The following ADTRP variants were observed in gnomAD, a reference collection of about 807,000 sequenced individuals.
The protein encoded by ADTRP is androgen dependent TFPI regulating protein.
In ADTRP, 20 loss-of-function variants were observed where a neutral mutation model predicts 27.0. The ratio of observed to expected loss-of-function variants is 0.74; its 90% CI spans 0.52 to 1.08. ADTRP has a LOEUF of 1.08. Among genes scored for constraint, ADTRP ranks in the 50% least tolerant of loss-of-function variants. ADTRP has a pLI of 0.00. For synonymous variants in ADTRP, 101 were observed against 105.2 expected (o/e 0.96, Z 0.25); for missense variants, 251 against 275.0 (o/e 0.91, Z 0.62).
intron 4 of ADTRP, among the ~76,000 whole-genome samples, chr6:11,734,100 T>G (rs1171616781): frequency 6.6e-6 from 1 of 152,194 alleles, no homozygotes; most frequent in Non-Finnish European, 1.5e-5. Context: ...CAAATTCATG[T>G]GTATAATCAG....
intron 4 of ADTRP, among the ~76,000 whole-genome samples, chr6:11,730,582 T>C (rs764619654): frequency 5.5e-4 from 84 of 152,228 alleles, no homozygotes; most frequent in Non-Finnish European, 1.1e-3. Context: ...CAGGGTAAGA[T>C]GTGTACATGT....
At position 11,768,303 on chromosome 6, in the gene ADTRP, G is replaced by T; in HGVS notation, c.234C>A (p.Phe78Leu). 1 of 1,614,204 alleles carries T rather than the reference G, an allele frequency of 6.2e-7. No homozygotes were observed. Among genetic ancestry groups the T allele is most frequent in the East Asian group, 2.2e-5 (1 of 44,890 alleles). ...KRTKGGKDIK[F>L]LTAFRDLLFT... ...AAAGCAGGTCTCTGAAGGCAGTTAG[G>T]AACTTAATGTCTTTTCCCCCTTTGG... The change falls in exon 2 of 6, where the codon TTC becomes TTA. Residue 78 changes from phenylalanine to leucine, a missense_variant. Phe to Leu is a conservative substitution (Grantham distance 22). Transcript: ENST00000414691.
At chr6:11,725,224 T>C (rs1291950860) in intron 4 of ADTRP, among the ~76,000 whole-genome samples, 1 of 152,126 alleles carries the variant, frequency 6.6e-6, no homozygotes, top group Non-Finnish European at 1.5e-5. Flanking sequence ...CAATAAACAG[T>C]GTGAAAAGGC....
intron 3 of ADTRP, among the ~76,000 whole-genome samples, chr6:11,759,947 G>A (rs1378979417): frequency 6.6e-6 from 1 of 152,106 alleles, no homozygotes; most frequent in Non-Finnish European, 1.5e-5. Flanking sequence ...AGCCAAGGAA[G>A]GTAAGTGGTC....
chr6:11,717,374 A>G (rs1761866741), intron 5 of ADTRP: 1 of 1,304,316 alleles, frequency 7.7e-7, no homozygotes, highest in Non-Finnish European at 1.0e-6. Flanking sequence ...AGCAGATTCC[A>G]ACAGATTCTA....
intron 5 of ADTRP, among the ~76,000 whole-genome samples, chr6:11,715,695 G>A (rs75421936): frequency 0.014 from 2,043 of 144,894 alleles, 45 homozygotes; most frequent in African/African-American, 0.051. Context: ...GCCCAGGCTG[G>A]AATACGGTGG....
chr6:11,761,467 T>G (rs969909949), intron 3 of ADTRP, among the ~76,000 whole-genome samples: 1 of 152,220 alleles, frequency 6.6e-6, no homozygotes, highest in Non-Finnish European at 1.5e-5. Flanking sequence ...AAATCAAATG[T>G]CTTGCTTATT....
intron 3 of ADTRP, among the ~76,000 whole-genome samples, chr6:11,751,028 T>G (rs932175466): frequency 6.6e-6 from 1 of 152,176 alleles, no homozygotes; most frequent in Admixed American, 6.5e-5. Context: ...ATTTTTGTAT[T>G]TTTTGTAGAG....
intron 5 of ADTRP, among the ~76,000 whole-genome samples, chr6:11,721,785 A>T (rs1762031110): frequency 6.6e-6 from 1 of 152,220 alleles, no homozygotes; most frequent in Non-Finnish European, 1.5e-5. Flanking sequence ...TGCAGTACTT[A>T]AACAATGAGG....
chr6:11,751,047 C>T (rs912146033), intron 3 of ADTRP, among the ~76,000 whole-genome samples: 11 of 152,274 alleles, frequency 7.2e-5, no homozygotes, highest in Admixed American at 2.6e-4. Context: ...AGATGGGCTT[C>T]GCCATGTTGC....
intron 1 of ADTRP, among the ~76,000 whole-genome samples, chr6:11,768,945 G>A (rs1332527885): frequency 6.6e-6 from 1 of 151,842 alleles, no homozygotes; most frequent in Non-Finnish European, 1.5e-5. Flanking sequence ...CTTAAATAGG[G>A]CACCTGCAGG....
At chr6:11,770,277 G>GA (rs886080282) in intron 1 of ADTRP, among the ~76,000 whole-genome samples, 12 of 152,182 alleles carry the variant, frequency 7.9e-5, no homozygotes, top group African/African-American at 2.9e-4. Flanking sequence ...TAGGGGTTGG[G>GA]ATTTTTAAAA....
chr6:11,726,863 G>A (rs375870295), intron 4 of ADTRP, among the ~76,000 whole-genome samples: 2 of 152,156 alleles, frequency 1.3e-5, no homozygotes, highest in Admixed American at 1.3e-4. Flanking sequence ...CTAAGGAGGT[G>A]TCAATTTTAG....
intron 5 of ADTRP, among the ~76,000 whole-genome samples, chr6:11,719,462 G>A (rs1761941660): frequency 6.6e-6 from 1 of 152,240 alleles, no homozygotes; most frequent in African/African-American, 2.4e-5. Flanking sequence ...CATCTCTAGA[G>A]ATATGGATCT....
At chr6:11,770,852 C>T (rs1763749019) in intron 1 of ADTRP, among the ~76,000 whole-genome samples, 1 of 152,196 alleles carries the variant, frequency 6.6e-6, no homozygotes, top group South Asian at 2.1e-4. Flanking sequence ...GCAGGCCAGG[C>T]TGCTGCTGTA....
intron 5 of ADTRP, among the ~76,000 whole-genome samples, chr6:11,721,518 C>A (rs999857151): frequency 6.6e-6 from 1 of 152,118 alleles, no homozygotes; most frequent in Non-Finnish European, 1.5e-5. Flanking sequence ...TTCTTTAATT[C>A]GTATTAAATT....
chr6:11,748,871 A>G (rs1004612564), intron 3 of ADTRP, among the ~76,000 whole-genome samples: 2 of 152,232 alleles, frequency 1.3e-5, no homozygotes, highest in Non-Finnish European at 2.9e-5. Flanking sequence ...GAGAAGCTCA[A>G]TCTGTGTCTG....
At chr6:11,763,440 AGCATG>A (rs1370535103) in intron 3 of ADTRP, among the ~76,000 whole-genome samples, 4 of 152,250 alleles carry the variant, frequency 2.6e-5, no homozygotes, top group Non-Finnish European at 5.9e-5. Context: ...CTTTCAGGAC[AGCATG>A]GCACTGGCGA....
At chr6:11,742,873 C>T (rs927676469) in intron 3 of ADTRP, among the ~76,000 whole-genome samples, 9 of 152,164 alleles carry the variant, frequency 5.9e-5, no homozygotes, top group African/African-American at 2.2e-4. Flanking sequence ...TGTTTTTGTT[C>T]CAATTGTGAA....
Sources: gnomAD v4.1 joint callset for allele counts (sites outside exome capture counted in the v4.1 genomes callset) on GRCh38, gnomAD v4.1.1 for gene constraint, MANE v1.5 for transcripts, NCBI Gene and HGNC (gene_info 2026-07-23, HGNC 2026-07-21) for gene names.